The following PLEKHM1 variants were observed in gnomAD, a reference collection of about 807,000 sequenced individuals.
The protein encoded by PLEKHM1 is pleckstrin homology domain-containing family M member 1.
PLEKHM1 carries 28 observed loss-of-function variants against 94.3 expected under a neutral mutation model. The ratio of observed to expected loss-of-function variants is 0.30; its 90% CI spans 0.22 to 0.41. The LOEUF (loss-of-function observed/expected upper bound fraction) is 0.41. Among genes scored for constraint, PLEKHM1 ranks in the 10% least tolerant of loss-of-function variants. The pLI, the probability that PLEKHM1 is intolerant of heterozygous loss-of-function variation, is 1.00. For synonymous variants in PLEKHM1, 424 were observed against 581.2 expected (o/e 0.73, Z 3.89); for missense variants, 907 against 1,358.6 (o/e 0.67, Z 5.22).
At chr17:45,473,470 G>A (rs1253320815) in intron 4 of PLEKHM1, among the ~76,000 whole-genome samples, 1 of 152,030 alleles carries the variant, frequency 6.6e-6, no homozygotes, top group African/African-American at 2.4e-5. Flanking sequence ...GAAATGAAAA[G>A]ATCTTCTCCA....
At chr17:45,465,436 C>A (rs958769561) in intron 5 of PLEKHM1, among the ~76,000 whole-genome samples, 2 of 151,964 alleles carry the variant, frequency 1.3e-5, no homozygotes, top group African/African-American at 4.8e-5. Flanking sequence ...GGGCCGGGCA[C>A]GGTGGCTCAT....
At chr17:45,448,834 T>C (rs1186916417) in intron 8 of PLEKHM1, among the ~76,000 whole-genome samples, 11 of 152,108 alleles carry the variant, frequency 7.2e-5, no homozygotes, top group African/African-American at 2.4e-4. Context: ...ATACATCTTA[T>C]TCAAAAGCAT....
At chr17:45,440,326 C>T (rs2050408545) in intron 9 of PLEKHM1, 100 bp from the exon 10 acceptor site, 3 of 1,210,718 alleles carry the variant, frequency 2.5e-6, no homozygotes, top group African/African-American at 3.0e-5. Context: ...ACCAGGCAGA[C>T]ACCCCCCGCC....
intron 3 of PLEKHM1, among the ~76,000 whole-genome samples, chr17:45,476,882 C>T (rs2051757985): frequency 6.6e-6 from 1 of 152,142 alleles, no homozygotes; most frequent in South Asian, 2.1e-4. Flanking sequence ...CTCCAGGGAG[C>T]TTCAGCTCAG....
intron 3 of PLEKHM1, chr17:45,475,933 A>T (rs1460451590): frequency 1.6e-6 from 1 of 642,058 alleles, no homozygotes; most frequent in Non-Finnish European, 2.8e-6. Context: ...GGATCACTTG[A>T]GCTCAGGAAT....
At chr17:45,485,847 A>C (rs1015390102) in intron 1 of PLEKHM1, among the ~76,000 whole-genome samples, 1 of 152,026 alleles carries the variant, frequency 6.6e-6, no homozygotes, top group African/African-American at 2.4e-5. Flanking sequence ...TGAACCCAGG[A>C]GGCGGAGGTT....
In PLEKHM1 at chr17:45,483,872, T is replaced by A. The variant is rs867043324; in HGVS notation, c.-41-1347A>T. On this transcript the variant is annotated intron_variant, in intron 1 of 11. Coordinates refer to ENST00000430334, the MANE Select transcript of PLEKHM1 (RefSeq NM_014798.3). Reference sequence around the variant, plus strand: ...AACCCCAGCCCTAGGAAAACCCGATTCCTGAGTGAGTGCTGTAAACCAAAA... The same window carrying A: ...AACCCCAGCCCTAGGAAAACCCGATACCTGAGTGAGTGCTGTAAACCAAAA... Among the ~76,000 whole-genome samples, 4 of 152,178 alleles carry A rather than the reference T, an allele frequency of 2.6e-5. No individual in the cohort carries two copies. In the South Asian group the frequency reaches 6.2e-4, roughly 24 times the overall value.
chr17:45,487,232 C>T (rs2052158589), intron 1 of PLEKHM1, among the ~76,000 whole-genome samples: 1 of 152,200 alleles, frequency 6.6e-6, no homozygotes, highest in Non-Finnish European at 1.5e-5. Context: ...AAGCAAGCTT[C>T]TCTGATGTCC....
intron 1 of PLEKHM1, among the ~76,000 whole-genome samples, chr17:45,488,633 T>C (rs2052205476): frequency 6.6e-6 from 1 of 152,056 alleles, no homozygotes. Flanking sequence ...ACAGTGTTCT[T>C]TGGGGCTCTT....
chr17:45,487,725 T>TA (rs1567811927), intron 1 of PLEKHM1: 3 of 455,962 alleles, frequency 6.6e-6, no homozygotes, highest in Non-Finnish European at 1.3e-5. Context: ...GGATGAGACT[T>TA]ACGTTAAAAG....
At chr17:45,441,570 G>C (rs891038705) in intron 9 of PLEKHM1, among the ~76,000 whole-genome samples, 17 of 152,188 alleles carry the variant, frequency 1.1e-4, no homozygotes, top group South Asian at 2.1e-4. Context: ...AATTAGCTTT[G>C]CCATCTGTCC....
Position 45,439,538 on chromosome 17 carries a change from T to A in PLEKHM1, c.2998A>T (p.Ile1000Phe). 6.2e-7 allele frequency: 1 copy of A among 1,614,218 alleles called. No individual in the cohort carries two copies. Among genetic ancestry groups the A allele is most frequent in the Non-Finnish European group, 8.5e-7 (1 of 1,180,048 alleles). Residue 1000 changes from isoleucine to phenylalanine, a missense_variant, in exon 11 of 12, where the codon ATC becomes TTC. Ile to Phe is a conservative substitution (Grantham distance 21, BLOSUM62 0). Around this residue, in one of 3 missense-constraint regions of PLEKHM1, gnomAD observed 254 missense variants for 451.1 expected, o/e 0.56. Coordinates refer to ENST00000430334, the MANE Select transcript of PLEKHM1 (RefSeq NM_014798.3). ...TCGTGGTGCTGGCAGATCTGGCAGA[T>A]GAAGCCGCGCTGGGTGCACAGGTCG... Reference protein sequence around the residue: ...HCDLCTQRGFICQICQHHDII... With the variant: ...HCDLCTQRGFFCQICQHHDII...
intron 6 of PLEKHM1, among the ~76,000 whole-genome samples, chr17:45,455,568 C>T (rs1261386726): frequency 1.3e-5 from 2 of 152,148 alleles, no homozygotes; most frequent in African/African-American, 4.8e-5. Flanking sequence ...GAATGGTCCT[C>T]ATCTCACCAA....
chr17:45,455,847 T>A (rs2050929635), intron 6 of PLEKHM1, among the ~76,000 whole-genome samples: 1 of 152,110 alleles, frequency 6.6e-6, no homozygotes, highest in Non-Finnish European at 1.5e-5. Flanking sequence ...TCAGAGCATG[T>A]CCCTCTGCCC....
In PLEKHM1 at chr17:45,445,321, C is replaced by T; in HGVS notation, c.2837+149G>A. Reference sequence around the variant, plus strand: ...TGCACATGTGCATGGGTGTGGATGTCTATGCATTTGTGTATAAATTTATGT... The same window carrying T: ...TGCACATGTGCATGGGTGTGGATGTTTATGCATTTGTGTATAAATTTATGT... On this transcript the variant is annotated intron_variant, in intron 9 of 11. Transcript: ENST00000430334. This position sits in a 1 kb window ranked among gnomAD's most constrained non-coding sequence, Gnocchi z 4.2. The T allele has an allele frequency of 2.8e-6, 2 of 707,984 alleles. No homozygotes were observed. The highest frequency in any genetic ancestry group is 3.4e-5 in the South Asian group (2 of 59,640). 43.9% of individuals were successfully genotyped at this position (707,984 alleles called of 1,614,324 possible).
intron 6 of PLEKHM1, among the ~76,000 whole-genome samples, chr17:45,455,802 A>G (rs1366674015): frequency 2.6e-5 from 4 of 152,080 alleles, no homozygotes; most frequent in African/African-American, 9.7e-5. Context: ...GTAGTCCCTC[A>G]GCGTAGGAGC....
At chr17:45,486,893 T>C (rs894084584) in intron 1 of PLEKHM1, among the ~76,000 whole-genome samples, 27 of 152,228 alleles carry the variant, frequency 1.8e-4, no homozygotes, top group Admixed American at 2.6e-4. Context: ...AGGCTTTGTG[T>C]CTCTTGACTG....
intron 2 of PLEKHM1, among the ~76,000 whole-genome samples, chr17:45,480,602 T>C (rs1009009533): frequency 6.6e-6 from 1 of 152,246 alleles, no homozygotes; most frequent in Non-Finnish European, 1.5e-5. Context: ...GAATACGAAG[T>C]GAATGCAGTC....
intron 5 of PLEKHM1, 35 bp downstream of exon 5, chr17:45,468,174 C>A (rs769015684): frequency 1.6e-5 from 26 of 1,612,528 alleles, no homozygotes; most frequent in Non-Finnish European, 2.2e-5. Flanking sequence ...CTGACATTTC[C>A]CAAGACTGCC....
Sources: gnomAD v4.1 joint callset for allele counts (sites outside exome capture counted in the v4.1 genomes callset) on GRCh38, gnomAD v4.1.1 for gene constraint, gnomAD v4.1.1 regional missense constraint, Gnocchi (gnomAD v3.1) non-coding constraint, MANE v1.5 for transcripts, NCBI Gene and HGNC (gene_info 2026-07-23, HGNC 2026-07-21) for gene names.